The following CTXN3 variants were observed in gnomAD, a reference collection of about 807,000 sequenced individuals.
The protein encoded by CTXN3 is cortexin 3, also known as cortexin-3.
CTXN3 carries 4 observed loss-of-function variants against 5.0 expected under a neutral mutation model. The observed-to-expected ratio is 0.79, with a 90% CI of 0.39 to 1.82. The LOEUF (loss-of-function observed/expected upper bound fraction) is 1.82, where lower values mean the gene tolerates loss of function less well. Among genes scored for constraint, CTXN3 ranks in the 40% most tolerant of loss-of-function variants. The pLI, the probability that CTXN3 is intolerant of heterozygous loss-of-function variation, is 0.04. For synonymous variants in CTXN3, 48 were observed against 38.6 expected, an observed-to-expected ratio of 1.24 and a Z score of -0.91; for missense variants, 89 against 99.7, an observed-to-expected ratio of 0.89 and a Z score of 0.46.
At chr5:127,653,698 A>C (rs1749842853) in intron 2 of CTXN3, 1 of 152,162 alleles carries the variant, frequency 6.6e-6, no homozygotes, top group South Asian at 2.1e-4. Flanking sequence ...GATTACATTT[A>C]TTTCTTTTTC....
At chr5:127,654,264 C>T (rs1021985989) in intron 2 of CTXN3, among the ~76,000 whole-genome samples, 5 of 152,126 alleles carry the variant, frequency 3.3e-5, no homozygotes, top group Non-Finnish European at 5.9e-5. Flanking sequence ...AATTCTTTCA[C>T]CTCTATTTGC....
In CTXN3 at chr5:127,658,011, C is replaced by T. The variant is rs1329639862; in HGVS notation, c.*244C>T. The T allele has an allele frequency of 4.2e-6, 2 of 480,356 alleles. No homozygotes were observed. The highest frequency in any genetic ancestry group is 4.2e-5 in the East Asian group (1 of 23,856). The allele number at this position is 480,356 out of a possible 1,614,324, so 29.8% of individuals were successfully genotyped here. On this transcript the variant is annotated 3_prime_UTR_variant, in exon 3 of 3. Transcript: ENST00000379445. ...TATGTTTGCTCAATGAATGAGTACT[C>T]TTAAAATTGTGTGATTGTGAAACCA...
At chr5:127,653,628 C>T (rs533009613) in intron 2 of CTXN3, 6 of 152,242 alleles carry the variant, frequency 3.9e-5, no homozygotes, top group East Asian at 3.9e-4. Context: ...CATTTTACTG[C>T]GAGACAGACA....
At position 127,657,952 on chromosome 5, in the gene CTXN3, T is replaced by C. The variant is rs1414187778; in HGVS notation, c.*185T>C. On this transcript the variant is annotated 3_prime_UTR_variant, in exon 3 of 3. Transcript: ENST00000379445. ...TGAGGATGTTGGAAATGGACACTTA[T>C]ATAACTAATCCAACATAAGAAGGTT... is the stretch of plus-strand genomic sequence containing the variant. 1.2e-5 allele frequency: 8 copies of C among 664,602 alleles called. No individual in the cohort carries two copies. Among genetic ancestry groups the C allele is most frequent in the Non-Finnish European group, 1.5e-5 (6 of 388,916 alleles). The allele number at this position is 664,602 out of a possible 1,614,324, so 41.2% of individuals were successfully genotyped here.
intron 1 of CTXN3, chr5:127,651,864 T>C (rs1289109211): frequency 6.6e-6 from 1 of 152,114 alleles, no homozygotes; most frequent in Non-Finnish European, 1.5e-5. Context: ...TGCTTTAAGA[T>C]ACATTTTCTT....
Position 127,657,414 on chromosome 5 carries a change from T to C in CTXN3, c.-99-9T>C. On this transcript the variant is annotated splice_polypyrimidine_tract_variant and intron_variant, in intron 2 of 2. Transcript: ENST00000379445. ...ATAGGTATTCCTTTCCCTTCCTTTT[T>C]CCCTGCAGATAACTCAGCCTCTCCA... 3.9e-6 allele frequency: 5 copies of C among 1,275,246 alleles called. No individual in the cohort carries two copies. The highest frequency in any genetic ancestry group is 5.5e-6 in the Non-Finnish European group (5 of 916,966). The allele number at this position is 1,275,246 out of a possible 1,614,324, so 79.0% of individuals were successfully genotyped here. A position where few individuals can be genotyped will look rare whatever the true frequency, so the allele number is the denominator to read the frequency against.
chr5:127,654,728 C>A (rs1749866222), intron 2 of CTXN3, among the ~76,000 whole-genome samples: 1 of 152,050 alleles, frequency 6.6e-6, no homozygotes, highest in African/African-American at 2.4e-5. Context: ...CCTGGGGTCA[C>A]AATGTTGCTC....
intron 1 of CTXN3, among the ~76,000 whole-genome samples, chr5:127,650,804 A>G (rs1442312057): frequency 2.0e-5 from 3 of 152,188 alleles, no homozygotes; most frequent in Non-Finnish European, 2.9e-5. Context: ...GATGGATAAT[A>G]GGATCATTTG....
intron 1 of CTXN3, among the ~76,000 whole-genome samples, chr5:127,650,316 T>G (rs1038658398): frequency 6.6e-6 from 1 of 152,118 alleles, no homozygotes; most frequent in Non-Finnish European, 1.5e-5. Context: ...TTGACATCTG[T>G]AGCTGAAGAC....
chr5:127,657,167 C>T (rs1749928039), intron 2 of CTXN3, among the ~76,000 whole-genome samples: 2 of 152,174 alleles, frequency 1.3e-5, no homozygotes, highest in Non-Finnish European at 2.9e-5. Context: ...TTACTGTGCA[C>T]ATTTCTCATC....
At chr5:127,651,121 T>A (rs1332597130) in intron 1 of CTXN3, among the ~76,000 whole-genome samples, 2 of 152,154 alleles carry the variant, frequency 1.3e-5, no homozygotes, top group East Asian at 3.9e-4. Flanking sequence ...GTCTAAAGAT[T>A]GGTCTCGCTA....
intron 1 of CTXN3, chr5:127,652,290 T>C (rs1014957383): frequency 2.0e-5 from 3 of 152,244 alleles, no homozygotes; most frequent in African/African-American, 4.8e-5. Flanking sequence ...TCCGGCTTGA[T>C]GACTTGTGCT....
At chr5:127,649,648 CT>C (rs530717129) in intron 1 of CTXN3, among the ~76,000 whole-genome samples, 2 of 151,614 alleles carry the variant, frequency 1.3e-5, no homozygotes, top group African/African-American at 2.4e-5. Context: ...GTAAAACAGG[CT>C]TTTTTTTCTT....
At chr5:127,656,869 C>T (rs1018604838) in intron 2 of CTXN3, among the ~76,000 whole-genome samples, 23 of 152,268 alleles carry the variant, frequency 1.5e-4, no homozygotes, top group South Asian at 6.2e-4. Context: ...GAGTGGAGCC[C>T]GGAGCCCAGA....
chr5:127,653,826 T>C (rs1254560074), intron 2 of CTXN3: 1 of 152,190 alleles, frequency 6.6e-6, no homozygotes, highest in Non-Finnish European at 1.5e-5. Flanking sequence ...CTTCCAGGGA[T>C]TTCAATCAGT....
At chr5:127,654,400 G>C (rs1332193433) in intron 2 of CTXN3, among the ~76,000 whole-genome samples, 1 of 152,150 alleles carries the variant, frequency 6.6e-6, no homozygotes, top group Non-Finnish European at 1.5e-5. Context: ...CTTTTAATCA[G>C]TAGAGGATGG....
At chr5:127,655,531 T>C (rs1340854003) in intron 2 of CTXN3, among the ~76,000 whole-genome samples, 2 of 152,230 alleles carry the variant, frequency 1.3e-5, no homozygotes, top group East Asian at 3.8e-4. Context: ...GAATTTTATA[T>C]TTCATATGAT....
intron 2 of CTXN3, among the ~76,000 whole-genome samples, chr5:127,655,393 G>T (rs1436929217): frequency 2.6e-5 from 4 of 152,244 alleles, no homozygotes; most frequent in Non-Finnish European, 5.9e-5. Context: ...TGATAATCCT[G>T]CAAGGAGAGC....
rs763295692 is a variant in CTXN3 at position 127,657,489 on chromosome 5, C to G, written c.-33C>G. Reference sequence around the variant, plus strand: ...AGATTGATGATGGAAGAAAAGAAAACCAGGATATCCTGTGCTCTGGCTTCC... The same window carrying G: ...AGATTGATGATGGAAGAAAAGAAAAGCAGGATATCCTGTGCTCTGGCTTCC... On this transcript the variant is annotated 5_prime_UTR_variant, in exon 3 of 3. Coordinates refer to ENST00000379445, the MANE Select transcript of CTXN3 (RefSeq NM_001048252.3). 1 of 1,609,024 alleles carries G rather than the reference C, an allele frequency of 6.2e-7. No homozygotes were observed. The highest frequency in any genetic ancestry group is 2.2e-5 in the East Asian group (1 of 44,808).
Sources: allele counts gnomAD v4.1 joint callset (sites outside exome capture counted in the v4.1 genomes callset), GRCh38; gene constraint gnomAD v4.1.1; transcripts MANE v1.5; gene names NCBI Gene and HGNC (gene_info 2026-07-23, HGNC 2026-07-21).